HM13: variants seen among roughly 807,000 people sequenced by gnomAD.
The protein encoded by HM13 is signal peptide peptidase.
Under a neutral mutation model 50.0 loss-of-function variants are expected in HM13, and 18 were observed. That is an observed-to-expected ratio of 0.36 (90% CI 0.25 to 0.53). The LOEUF (loss-of-function observed/expected upper bound fraction) is 0.53, where lower values mean the gene tolerates loss of function less well. HM13 is among the 20% of genes least tolerant of loss of function. The pLI is 0.90. For missense variants in HM13, 393 were observed against 552.4 expected (o/e 0.71, Z 2.89); for synonymous variants, 197 against 232.6 (o/e 0.85, Z 1.39).
intron 1 of HM13, among the ~76,000 whole-genome samples, chr20:31,519,079 G>C (rs1981989281): frequency 6.6e-6 from 1 of 152,016 alleles, no homozygotes; most frequent in East Asian, 1.9e-4. Context: ...CAAATAAATA[G>C]GCATATACTT....
At chr20:31,537,113 T>G (rs562093766) in intron 2 of HM13, among the ~76,000 whole-genome samples, 18 of 152,246 alleles carry the variant, frequency 1.2e-4, no homozygotes, top group African/African-American at 4.3e-4. Context: ...GAAGGTTGAG[T>G]AAGGGTGGCC....
In HM13 at chr20:31,514,463, A is replaced by C. The variant is rs938748011; in HGVS notation, c.-89A>C. 7.1e-7 allele frequency: 1 copy of C among 1,408,798 alleles called. No individual in the cohort carries two copies. Among genetic ancestry groups the C allele is most frequent in the Non-Finnish European group, 9.7e-7 (1 of 1,034,004 alleles). 87.3% of individuals were successfully genotyped at this position (1,408,798 alleles called of 1,614,324 possible). A position where few individuals can be genotyped will look rare whatever the true frequency, so the allele number is the denominator to read the frequency against. ...CGTCACTTCCTGTTGCCTTAGGGGA[A>C]CGTGGCTTTCCCTGCAGAGCCGGTG... is the stretch of plus-strand genomic sequence containing the variant. On this transcript the variant is annotated 5_prime_UTR_variant, in exon 1 of 13. Coordinates refer to ENST00000398174, the MANE Select transcript of HM13 (RefSeq NM_178581.3). This position sits in a 1 kb window ranked among gnomAD's most constrained non-coding sequence, Gnocchi z 4.3.
intron 1 of HM13, among the ~76,000 whole-genome samples, chr20:31,520,786 G>T (rs1352484550): frequency 6.6e-6 from 1 of 152,242 alleles, no homozygotes; most frequent in African/African-American, 2.4e-5. Flanking sequence ...TAACCTTGGA[G>T]AGCTGAGTGA....
intron 3 of HM13, chr20:31,540,463 C>G (rs970144287): frequency 1.3e-5 from 2 of 152,224 alleles, no homozygotes; most frequent in African/African-American, 4.8e-5. Flanking sequence ...ACAGCCCAGC[C>G]TCCACCTCAG....
chr20:31,530,987 A>G (rs114116151), intron 2 of HM13, among the ~76,000 whole-genome samples: 473 of 152,302 alleles, frequency 3.1e-3, no homozygotes, highest in African/African-American at 0.011. Flanking sequence ...CCAGGCGCTC[A>G]CCTGCATTGG....
At position 31,559,596 on chromosome 20, in the gene HM13, A is replaced by T; in HGVS notation, c.809-15A>T. On this transcript the variant is annotated splice_polypyrimidine_tract_variant and intron_variant, in intron 8 of 12. Coordinates refer to ENST00000398174, the MANE Select transcript of HM13 (RefSeq NM_178581.3). The stretch of plus-strand genomic sequence containing the variant: ...TGCTTCCCTGCCACTCTCTAACCCC[A>T]GCTTTCTCCCACAGGGATCTTCATT... 1 of 1,614,006 alleles carries T rather than the reference A, an allele frequency of 6.2e-7. No homozygotes were observed. Among genetic ancestry groups the T allele is most frequent in the Non-Finnish European group, 8.5e-7 (1 of 1,179,944 alleles).
chr20:31,523,150 A>G (rs1219490705), intron 1 of HM13, among the ~76,000 whole-genome samples: 1 of 151,564 alleles, frequency 6.6e-6, no homozygotes, highest in Non-Finnish European at 1.5e-5. Context: ...TCCCGGGTTC[A>G]AGCAATTCTC....
At chr20:31,555,024 G>A (rs996574653) in intron 8 of HM13, among the ~76,000 whole-genome samples, 195 bp downstream of exon 8, 3 of 152,238 alleles carry the variant, frequency 2.0e-5, no homozygotes, top group Non-Finnish European at 4.4e-5. Context: ...GCCCCAAGCT[G>A]GGTCCTGGTC....
At chr20:31,540,601 C>A (rs1983391418) in intron 3 of HM13, 1 of 152,148 alleles carries the variant, frequency 6.6e-6, no homozygotes, top group South Asian at 2.1e-4. Context: ...GTATTTTGAA[C>A]CTTTATCATC....
chr20:31,569,231 C>T lies in HM13; in HGVS notation c.*12C>T, dbSNP rs780916672. 3 of 1,541,030 alleles carry T rather than the reference C, an allele frequency of 1.9e-6. No homozygotes were observed. Among genetic ancestry groups the T allele is most frequent in the South Asian group, 1.2e-5 (1 of 86,040 alleles). ...AGAAAGAGAAATGATGCAGCTGGTG[C>T]CCGAGCCTCTCAGGGCCAGACCAGA... On this transcript the variant is annotated 3_prime_UTR_variant, in exon 13 of 13. Transcript: ENST00000398174.
intron 2 of HM13, among the ~76,000 whole-genome samples, chr20:31,536,713 CAT>C (rs1983131039): frequency 6.6e-6 from 1 of 152,178 alleles, no homozygotes; most frequent in Non-Finnish European, 1.5e-5. Context: ...TCCCTGCACA[CAT>C]GAACATTCAC....
chr20:31,538,756 T>A, intron 3 of HM13: 1 of 596,684 alleles, frequency 1.7e-6, no homozygotes, highest in Non-Finnish European at 2.1e-6. Context: ...TTGGGCAAGT[T>A]ACTTAATCTC....
Position 31,514,861 on chromosome 20 carries a change from T to G in HM13, c.183+127T>G. ...TCTTCCCAGCCCTGATCACCACCGTTCCCTCTGTCTCGGGCCCACATTCCG... is the reference window on the plus strand; with the variant it reads ...TCTTCCCAGCCCTGATCACCACCGTGCCCTCTGTCTCGGGCCCACATTCCG... On this transcript the variant is annotated intron_variant, in intron 1 of 12. Transcript: ENST00000398174. The surrounding 1 kb of genome is among the most constrained non-coding windows in gnomAD (Gnocchi z 4.3). The G allele has an allele frequency of 1.0e-6, 1 of 962,112 alleles. No individual in the cohort carries two copies. Among genetic ancestry groups the G allele is most frequent in the Non-Finnish European group, 1.5e-6 (1 of 684,788 alleles). The allele number at this position is 962,112 out of a possible 1,614,324, so 59.6% of individuals were successfully genotyped here.
intron 4 of HM13, among the ~76,000 whole-genome samples, chr20:31,546,136 A>G (rs1169836565): frequency 1.6e-5 from 2 of 125,912 alleles, no homozygotes; most frequent in East Asian, 4.5e-4. Context: ...TGCAAGCTCC[A>G]CCCCCTGGGT....
intron 7 of HM13, chr20:31,550,471 G>C (rs2122628411): frequency 4.0e-6 from 1 of 250,510 alleles, no homozygotes; most frequent in Non-Finnish European, 7.9e-6. Context: ...CTTGGCACCT[G>C]AGTGTCGGGT....
At chr20:31,520,399 G>C (rs955660442) in intron 1 of HM13, among the ~76,000 whole-genome samples, 1 of 152,212 alleles carries the variant, frequency 6.6e-6, no homozygotes, top group East Asian at 1.9e-4. Flanking sequence ...CGCCTGCCAG[G>C]TACAAACAAT....
chr20:31,520,128 A>C (rs1982062460), intron 1 of HM13, among the ~76,000 whole-genome samples: 1 of 151,846 alleles, frequency 6.6e-6, no homozygotes, highest in Non-Finnish European at 1.5e-5. Context: ...AAGTGCTGGG[A>C]TTACAGGCGT....
intron 2 of HM13, among the ~76,000 whole-genome samples, chr20:31,534,242 T>C (rs1246789123): frequency 6.6e-6 from 1 of 152,128 alleles, no homozygotes; most frequent in Admixed American, 6.6e-5. Flanking sequence ...GAGAGGCTTA[T>C]GAAATTACAG....
chr20:31,559,581 C>T, intron 8 of HM13, 30 bp from the exon 9 acceptor site: 1 of 1,613,344 alleles, frequency 6.2e-7, no homozygotes, highest in Non-Finnish European at 8.5e-7. Context: ...TGCTTCCCTG[C>T]CACTCTCTAA....
Sources: allele counts gnomAD v4.1 joint callset (sites outside exome capture counted in the v4.1 genomes callset), GRCh38; gene constraint gnomAD v4.1.1; non-coding constraint Gnocchi (gnomAD v3.1); transcripts MANE v1.5; gene names NCBI Gene and HGNC (gene_info 2026-07-23, HGNC 2026-07-21).